MAMDC2: variants seen among roughly 807,000 people sequenced by gnomAD.
MAMDC2 encodes MAM domain containing 2, also known as MAM domain-containing protein 2.
MAMDC2 carries 57 observed loss-of-function variants against 89.8 expected under a neutral mutation model. The ratio of observed to expected loss-of-function variants is 0.63; its 90% CI spans 0.51 to 0.79. The LOEUF (loss-of-function observed/expected upper bound fraction) is 0.79, where lower values mean the gene tolerates loss of function less well. Ranked by LOEUF, MAMDC2 falls within the 30% of genes least tolerant of loss-of-function variation. The pLI is 0.00. For missense variants in MAMDC2, 800 were observed against 820.6 expected (o/e 0.97, Z 0.31); for synonymous variants, 313 against 293.4 (o/e 1.07, Z -0.68).
chr9:70,114,726 C>A (rs541301057), intron 5 of MAMDC2, among the ~76,000 whole-genome samples: 2 of 152,110 alleles, frequency 1.3e-5, no homozygotes, highest in African/African-American at 2.4e-5. Flanking sequence ...CCTCTATGGC[C>A]CCTTCCCAGC....
intron 9 of MAMDC2, among the ~76,000 whole-genome samples, chr9:70,161,834 T>C (rs2031984684): frequency 6.6e-6 from 1 of 152,220 alleles, no homozygotes; most frequent in East Asian, 1.9e-4. Flanking sequence ...TGTGAATAAT[T>C]ATGCCACCAA....
chr9:70,157,439 T>C (rs982452766), intron 9 of MAMDC2: 1 of 152,260 alleles, frequency 6.6e-6, no homozygotes, highest in Non-Finnish European at 1.5e-5. Flanking sequence ...TTTGCATAGA[T>C]ATGCCTACCT....
rs77489249 is a variant in MAMDC2 at position 70,046,057 on chromosome 9, G to T, written c.148+1360G>T. 8.0e-3 allele frequency among the ~76,000 whole-genome samples: 1,224 copies of T among 152,312 alleles called. 17 individuals are homozygous for T. Among genetic ancestry groups the T allele is most frequent in the Non-Finnish European group, 0.012 (787 of 68,034 alleles). On this transcript the variant is annotated intron_variant, in intron 2 of 13. Transcript: ENST00000377182. ...TACTGGCTGTATGGAAGCATTGCGG[G>T]AGATGGCCTTAGAAATGCCACGAGA...
chr9:70,101,631 C>T (rs2975870), intron 2 of MAMDC2, among the ~76,000 whole-genome samples: 9,739 of 152,216 alleles, frequency 0.064, 990 homozygotes, highest in African/African-American at 0.21. Context: ...CAGTAACATA[C>T]TGTTACAGGT....
chr9:70,162,201 G>A (rs2118494912), intron 9 of MAMDC2, among the ~76,000 whole-genome samples: 1 of 152,200 alleles, frequency 6.6e-6, no homozygotes, highest in Non-Finnish European at 1.5e-5. Context: ...ACTCTAAAAG[G>A]CAGTGAAAAA....
intron 6 of MAMDC2, 44 bp from the exon 7 acceptor site, chr9:70,131,475 C>G (rs375871963): frequency 1.4e-6 from 2 of 1,442,944 alleles, no homozygotes. Context: ...TAAGCCAAAC[C>G]GAAAATATGT....
In MAMDC2 at chr9:70,178,756, A is replaced by G. The variant is rs145487093; in HGVS notation, c.1651+8125A>G. Among the ~76,000 whole-genome samples the G allele has an allele frequency of 4.1e-3, 618 of 152,328 alleles. 4 individuals are homozygous for G. The highest frequency in any genetic ancestry group is 0.014 in the African/African-American group (573 of 41,564). On this transcript the variant is annotated intron_variant, in intron 11 of 13. Transcript: ENST00000377182. Reference sequence around the variant, plus strand: ...ATCAAATAATTGCCCCAGAGTTATAATAAGTCAAGTAATAAGGGTTAAGTC... The same window carrying G: ...ATCAAATAATTGCCCCAGAGTTATAGTAAGTCAAGTAATAAGGGTTAAGTC...
At chr9:70,196,983 T>A (rs2032985333) in intron 11 of MAMDC2, among the ~76,000 whole-genome samples, 2 of 152,164 alleles carry the variant, frequency 1.3e-5, no homozygotes, top group Admixed American at 6.5e-5. Flanking sequence ...GACAAATAGT[T>A]GGAATTTAAA....
At chr9:70,174,848 C>T (rs2118550572) in intron 11 of MAMDC2, among the ~76,000 whole-genome samples, 1 of 151,952 alleles carries the variant, frequency 6.6e-6, no homozygotes, top group East Asian at 1.9e-4. Flanking sequence ...GCCTCAGGCT[C>T]CCGACTAGCT....
At chr9:70,189,740 G>A (rs2032838947) in intron 11 of MAMDC2, among the ~76,000 whole-genome samples, 1 of 151,182 alleles carries the variant, frequency 6.6e-6, no homozygotes, top group Non-Finnish European at 1.5e-5. Context: ...TTGATGGTGT[G>A]TCTCACAGGT....
chr9:70,078,033 ATTTTTATTAGG>A (rs879642750), intron 2 of MAMDC2, among the ~76,000 whole-genome samples: 52,214 of 151,830 alleles, frequency 0.34, 10,077 homozygotes, highest in African/African-American at 0.52. Context: ...CCTACTTATA[ATTTTTATTAGG>A]AAGTCAATTC....
chr9:70,182,187 G>A (rs1333885429), intron 11 of MAMDC2, among the ~76,000 whole-genome samples: 4 of 152,152 alleles, frequency 2.6e-5, no homozygotes, highest in Admixed American at 1.3e-4. Context: ...AACCAGCCTT[G>A]TATCCCAGGG....
intron 11 of MAMDC2, among the ~76,000 whole-genome samples, chr9:70,185,757 C>T (rs1256584932): frequency 6.6e-6 from 1 of 152,204 alleles, no homozygotes; most frequent in Non-Finnish European, 1.5e-5. Context: ...CCCAGGTCAA[C>T]ATCAGACTGC....
chr9:70,193,002 G>A (rs1332541608), intron 11 of MAMDC2, among the ~76,000 whole-genome samples: 1 of 152,056 alleles, frequency 6.6e-6, no homozygotes, highest in African/African-American at 2.4e-5. Flanking sequence ...TACATTGAGG[G>A]TGATCAGATA....
At chr9:70,217,192 G>A (rs138892189) in intron 11 of MAMDC2, 23 of 718,540 alleles carry the variant, frequency 3.2e-5, no homozygotes, top group East Asian at 2.7e-4. Flanking sequence ...TGGAGCCGTC[G>A]CCACGAAGGT....
At chr9:70,204,731 G>C (rs914087190) in intron 11 of MAMDC2, among the ~76,000 whole-genome samples, 1 of 151,956 alleles carries the variant, frequency 6.6e-6, no homozygotes, top group Non-Finnish European at 1.5e-5. Flanking sequence ...AGGACCCTCC[G>C]AGCCAGGTGT....
intron 11 of MAMDC2, among the ~76,000 whole-genome samples, chr9:70,174,711 T>C (rs1315333298): frequency 7.6e-6 from 1 of 132,308 alleles, no homozygotes; most frequent in Non-Finnish European, 1.6e-5. Flanking sequence ...TGTAATTAAT[T>C]AGAAGGGCTT....
chr9:70,226,714 GA>G lies in MAMDC2; in HGVS notation c.*683del, dbSNP rs1415617296. On this transcript the variant is annotated 3_prime_UTR_variant, in exon 14 of 14. Transcript: ENST00000377182. Reference sequence around the variant, plus strand: ...CCTTTGAAGTCACTATGAGCACATGGATAGAAATTTAACTTTTTTTTGTAAA... The same window carrying G: ...CCTTTGAAGTCACTATGAGCACATGGTAGAAATTTAACTTTTTTTTGTAAA... The G allele has an allele frequency of 6.6e-6, 1 of 152,116 alleles. No individual in the cohort carries two copies. Among genetic ancestry groups the G allele is most frequent in the African/African-American group, 2.4e-5 (1 of 41,408 alleles). The allele number at this position is 152,116 out of a possible 1,614,324, so 9.4% of individuals were successfully genotyped here.
At chr9:70,149,014 G>C (rs1324285379) in intron 9 of MAMDC2, among the ~76,000 whole-genome samples, 1 of 132,830 alleles carries the variant, frequency 7.5e-6, no homozygotes, top group Non-Finnish European at 1.6e-5. Context: ...GGGCAACAGA[G>C]CAAGACTCTG....
Sources: gnomAD v4.1 joint callset for allele counts (sites outside exome capture counted in the v4.1 genomes callset) on GRCh38, gnomAD v4.1.1 for gene constraint, MANE v1.5 for transcripts, NCBI Gene and HGNC (gene_info 2026-07-23, HGNC 2026-07-21) for gene names.